Variants in OR56A3 observed in about 807,000 individuals in gnomAD.
The protein encoded by OR56A3 is olfactory receptor family 56 subfamily A member 3, also known as olfactory receptor 56A3.
Under a neutral mutation model 17.5 loss-of-function variants are expected in OR56A3, and 23 were observed. That is an observed-to-expected ratio of 1.32 (90% CI 0.95 to 1.87). The LOEUF (loss-of-function observed/expected upper bound fraction) is 1.87, where lower values mean the gene tolerates loss of function less well. Among genes scored for constraint, OR56A3 ranks in the 40% most tolerant of loss-of-function variants. OR56A3 has a pLI of 0.00. For synonymous variants in OR56A3, 175 were observed against 150.6 expected (o/e 1.16, Z -1.19); for missense variants, 366 against 380.1 (o/e 0.96, Z 0.31).
At chr11:5,989,424 AG>A in the OR56A3 span, among the ~76,000 whole-genome samples, 2 of 143,348 alleles carry the variant, frequency 1.4e-5, no homozygotes, top group Non-Finnish European at 1.5e-5. Flanking sequence ...AAGTAAATAA[AG>A]TAAATAAAGT....
chr11:6,004,803 G>A, the OR56A3 span, among the ~76,000 whole-genome samples: 1 of 152,108 alleles, frequency 6.6e-6, no homozygotes, highest in Admixed American at 6.5e-5. Flanking sequence ...TAGCTACTCT[G>A]AATGGCTTAA....
Position 5,948,359 on chromosome 11 carries a change from G to A in OR56A3, c.*65G>A, listed in dbSNP as rs1847887818. ...TTTATTAATCACTTAATGAGTGAGT[G>A]GGCTGAAATTCATATCTGTGACTTA... On this transcript the variant is annotated 3_prime_UTR_variant, in exon 3 of 3. Coordinates refer to ENST00000641160, the MANE Select transcript of OR56A3 (RefSeq NM_001003443.3). 1 of 1,115,262 alleles carries A rather than the reference G, an allele frequency of 9.0e-7. No homozygotes were observed. The highest frequency in any genetic ancestry group is 1.5e-5 in the South Asian group (1 of 66,600). The allele number at this position is 1,115,262 out of a possible 1,614,324, so 69.1% of individuals were successfully genotyped here.
At chr11:5,965,100 A>T in the OR56A3 span, among the ~76,000 whole-genome samples, 1 of 152,210 alleles carries the variant, frequency 6.6e-6, no homozygotes, top group Non-Finnish European at 1.5e-5. Context: ...TTCTTATAGG[A>T]GAATGGTCAC....
At chr11:5,945,846 A>G (rs1252410263) in intron 2 of OR56A3, among the ~76,000 whole-genome samples, 1 of 152,244 alleles carries the variant, frequency 6.6e-6, no homozygotes, top group Admixed American at 6.5e-5. Flanking sequence ...AAATAACCAT[A>G]TAATTTTGTT....
At chr11:5,997,050 T>C in the OR56A3 span, among the ~76,000 whole-genome samples, 2 of 152,178 alleles carry the variant, frequency 1.3e-5, no homozygotes. Context: ...TGAATTATAG[T>C]TGATAACATA....
chr11:5,985,994 T>C, the OR56A3 span: 23 of 1,612,602 alleles, frequency 1.4e-5, no homozygotes, highest in Non-Finnish European at 1.9e-5. Flanking sequence ...TGCTGAGTCT[T>C]CACTCCATAG....
the OR56A3 span, among the ~76,000 whole-genome samples, chr11:5,985,729 G>T: frequency 2.6e-5 from 4 of 152,240 alleles, no homozygotes; most frequent in African/African-American, 9.6e-5. Flanking sequence ...AAGAGCAAAA[G>T]AAAAAATGGC....
At chr11:5,980,421 A>C in the OR56A3 span, among the ~76,000 whole-genome samples, 1 of 117,038 alleles carries the variant, frequency 8.5e-6, no homozygotes, top group South Asian at 3.1e-4. Flanking sequence ...TGAACTCTTT[A>C]TCATTATGTA....
intron 1 of OR56A3, chr11:5,943,281 A>T (rs554126700): frequency 6.6e-6 from 1 of 152,148 alleles, no homozygotes; most frequent in Non-Finnish European, 1.5e-5. Context: ...TGCTAAAAAT[A>T]ATTATCCCAA....
At chr11:5,968,329 C>T in the OR56A3 span, 31 of 1,613,062 alleles carry the variant, frequency 1.9e-5, no homozygotes, top group Middle Eastern at 1.7e-4. Context: ...TGCAGAGAGG[C>T]TTCCAGATAG....
the OR56A3 span, among the ~76,000 whole-genome samples, chr11:6,009,198 C>G: frequency 5.9e-5 from 9 of 152,136 alleles, no homozygotes; most frequent in African/African-American, 1.9e-4. Context: ...TACCAAGATC[C>G]CATCAGACTC....
the OR56A3 span, among the ~76,000 whole-genome samples, chr11:5,960,420 T>G: frequency 6.6e-6 from 1 of 152,210 alleles, no homozygotes; most frequent in South Asian, 2.1e-4. Flanking sequence ...CCGCCACACC[T>G]GACTGGTTGT....
At chr11:5,998,346 C>T in the OR56A3 span, among the ~76,000 whole-genome samples, 1 of 152,076 alleles carries the variant, frequency 6.6e-6, no homozygotes, top group African/African-American at 2.4e-5. Flanking sequence ...AGAAAAGATC[C>T]CAGGGAGACT....
the OR56A3 span, chr11:5,999,393 TATTA>T: frequency 3.3e-5 from 5 of 152,334 alleles, no homozygotes; most frequent in South Asian, 2.1e-4. Context: ...CAAAAACTTT[TATTA>T]ATTCACTCTT....
chr11:5,995,109 G>A, the OR56A3 span: 2 of 589,580 alleles, frequency 3.4e-6, no homozygotes, highest in South Asian at 3.6e-5. Flanking sequence ...GCTGGACGCA[G>A]CCCAGGGACC....
At chr11:5,963,174 T>A in the OR56A3 span, among the ~76,000 whole-genome samples, 1 of 152,188 alleles carries the variant, frequency 6.6e-6, no homozygotes, top group Non-Finnish European at 1.5e-5. Context: ...AGCCTACATT[T>A]TATTATTTCT....
chr11:5,986,974 C>A, the OR56A3 span: 52 of 1,574,638 alleles, frequency 3.3e-5, no homozygotes, highest in African/African-American at 6.5e-4. Flanking sequence ...CCAAATGGGG[C>A]AACCATCATC....
At chr11:5,998,674 T>C in the OR56A3 span, among the ~76,000 whole-genome samples, 1 of 152,158 alleles carries the variant, frequency 6.6e-6, no homozygotes, top group Admixed American at 6.5e-5. Context: ...AATAGGACAC[T>C]CTGGAGAAAA....
the OR56A3 span, among the ~76,000 whole-genome samples, chr11:5,982,376 T>C: frequency 6.6e-6 from 1 of 151,834 alleles, no homozygotes; most frequent in Non-Finnish European, 1.5e-5. Flanking sequence ...TGCAGGTGAG[T>C]GCATGTCAGC....
Sources: gnomAD v4.1 joint callset for allele counts (sites outside exome capture counted in the v4.1 genomes callset) on GRCh38, gnomAD v4.1.1 for gene constraint, MANE v1.5 for transcripts, NCBI Gene and HGNC (gene_info 2026-07-23, HGNC 2026-07-21) for gene names.